UHRF2: variants seen among roughly 807,000 people sequenced by gnomAD.
The protein encoded by UHRF2 is E3 ubiquitin-protein ligase UHRF2.
In UHRF2, 23 loss-of-function variants were observed where a neutral mutation model predicts 96.8. The ratio of observed to expected loss-of-function variants is 0.24; its 90% CI spans 0.17 to 0.34. UHRF2 has a LOEUF of 0.34. Among genes scored for constraint, UHRF2 ranks in the 10% least tolerant of loss-of-function variants. The pLI, the probability that UHRF2 is intolerant of heterozygous loss-of-function variation, is 1.00. For missense variants in UHRF2, 685 were observed against 981.5 expected (o/e 0.70, Z 4.04); for synonymous variants, 385 against 332.6 (o/e 1.16, Z -1.72).
chr9:6,496,018 G>A (rs1333164711), intron 10 of UHRF2: 3 of 151,334 alleles, frequency 2.0e-5, no homozygotes, highest in Non-Finnish European at 4.4e-5. Flanking sequence ...AGGTAACTTG[G>A]GAAGCTTCAA....
chr9:6,503,580 G>A (rs1816419943), intron 14 of UHRF2, among the ~76,000 whole-genome samples: 2 of 151,904 alleles, frequency 1.3e-5, no homozygotes, highest in Admixed American at 1.3e-4. Context: ...GGTAAAATAT[G>A]ACAGAATAAT....
intron 2 of UHRF2, among the ~76,000 whole-genome samples, chr9:6,421,888 A>C (rs959428299): frequency 3.3e-5 from 5 of 151,948 alleles, no homozygotes; most frequent in Non-Finnish European, 7.4e-5. Context: ...TATATAATGG[A>C]ATTCTACTTT....
rs542274686 is a variant in UHRF2 at position 6,422,681 on chromosome 9, C to T, written c.384+1539C>T. 9 of 631,078 alleles carry T rather than the reference C, an allele frequency of 1.4e-5. No individual in the cohort carries two copies. In the South Asian group the frequency reaches 1.5e-4, roughly 10 times the overall value. 39.1% of individuals were successfully genotyped at this position (631,078 alleles called of 1,614,324 possible). A position where few individuals can be genotyped will look rare whatever the true frequency, so the allele number is the denominator to read the frequency against. ...CTGTAGTGCAGTGACGTGAACACGGCTCGCTGTAGCCTTGACCTGCTGGGG... is the reference window on the plus strand; with the variant it reads ...CTGTAGTGCAGTGACGTGAACACGGTTCGCTGTAGCCTTGACCTGCTGGGG... On this transcript the variant is annotated intron_variant, in intron 2 of 15. Coordinates refer to ENST00000276893, the MANE Select transcript of UHRF2 (RefSeq NM_152896.3).
chr9:6,418,648 G>A (rs1369376378), intron 1 of UHRF2, among the ~76,000 whole-genome samples: 1 of 152,154 alleles, frequency 6.6e-6, no homozygotes. Flanking sequence ...AGTAGAAAAT[G>A]AGCAATTTAA....
chr9:6,449,252 C>T (rs1388203634), intron 3 of UHRF2: 2 of 152,264 alleles, frequency 1.3e-5, no homozygotes, highest in Non-Finnish European at 2.9e-5. Flanking sequence ...TATGCTCTTT[C>T]TTGGCCTCCC....
intron 3 of UHRF2, among the ~76,000 whole-genome samples, chr9:6,438,656 C>G (rs1291286950): frequency 2.0e-5 from 3 of 152,142 alleles, no homozygotes; most frequent in Non-Finnish European, 4.4e-5. Context: ...TGAAAGAAAC[C>G]TGCCTCTGGA....
intron 3 of UHRF2, among the ~76,000 whole-genome samples, chr9:6,438,629 ATGTAT>A (rs1406362162): frequency 6.6e-6 from 1 of 152,182 alleles, no homozygotes; most frequent in African/African-American, 2.4e-5. Flanking sequence ...AAGCAGGGAG[ATGTAT>A]TGTACATGAG....
At chr9:6,455,347 T>A (rs1489330616) in intron 3 of UHRF2, among the ~76,000 whole-genome samples, 1 of 152,156 alleles carries the variant, frequency 6.6e-6, no homozygotes, top group African/African-American at 2.4e-5. Context: ...GTCCAAGTGT[T>A]GTCATTGTTC....
intron 3 of UHRF2, among the ~76,000 whole-genome samples, chr9:6,445,251 G>T (rs1196425356): frequency 6.7e-6 from 1 of 148,742 alleles, no homozygotes; most frequent in Non-Finnish European, 1.5e-5. Context: ...ATAACTATTT[G>T]ACCTGTGTTA....
At chr9:6,474,131 C>T (rs1041412254) in intron 4 of UHRF2, among the ~76,000 whole-genome samples, 3 of 152,134 alleles carry the variant, frequency 2.0e-5, no homozygotes, top group African/African-American at 4.8e-5. Flanking sequence ...GTGAGGGTTT[C>T]TGAGGTAGTT....
At chr9:6,416,393 T>G (rs1383913807) in intron 1 of UHRF2, among the ~76,000 whole-genome samples, 2 of 151,896 alleles carry the variant, frequency 1.3e-5, no homozygotes, top group Non-Finnish European at 2.9e-5. Context: ...AGGGTCAAAA[T>G]GGAGACCTGC....
intron 2 of UHRF2, among the ~76,000 whole-genome samples, chr9:6,431,186 A>T (rs561394435): frequency 1.3e-5 from 2 of 152,260 alleles, no homozygotes; most frequent in South Asian, 4.1e-4. Flanking sequence ...TTGACTTAGT[A>T]TGTCTATCCA....
intron 2 of UHRF2, among the ~76,000 whole-genome samples, chr9:6,432,903 C>T (rs547014558): frequency 5.1e-4 from 78 of 151,876 alleles, no homozygotes; most frequent in African/African-American, 1.7e-3. Context: ...TGCACTGGCA[C>T]GATCTCCGTT....
At chr9:6,485,892 A>G (rs933921457) in intron 8 of UHRF2, among the ~76,000 whole-genome samples, 11 of 151,878 alleles carry the variant, frequency 7.2e-5, no homozygotes, top group Admixed American at 5.9e-4. Flanking sequence ...GGGAGTTTGA[A>G]GTTCACAAAG....
intron 9 of UHRF2, among the ~76,000 whole-genome samples, chr9:6,487,490 C>T (rs1169350192): frequency 1.3e-5 from 2 of 152,190 alleles, no homozygotes; most frequent in Non-Finnish European, 2.9e-5. Context: ...CCTCCACCTC[C>T]TGAGTAGCTG....
chr9:6,488,251 TAAAAAAAAAAAAAAAAAAAAAAA>T (rs777979832), intron 9 of UHRF2, among the ~76,000 whole-genome samples: 16 of 52,570 alleles, frequency 3.0e-4, no homozygotes, highest in Admixed American at 1.0e-3. Context: ...CCTGTCTCCT[TAAAAAAAAAAAAAAAAAAAAAAA>T]AAAAAAAAAA....
chr9:6,442,667 G>C (rs1194944980), intron 3 of UHRF2, among the ~76,000 whole-genome samples: 1 of 144,966 alleles, frequency 6.9e-6, no homozygotes, highest in Non-Finnish European at 1.5e-5. Context: ...TTTTTTTTTT[G>C]GGGGGGTAGA....
rs376273391 is a variant in UHRF2, at chr9:6,493,782, T to A, written c.1498-44T>A. 2.5e-4 allele frequency: 369 copies of A among 1,497,244 alleles called. 1 individual carries two copies. The highest frequency in any genetic ancestry group is 3.0e-4 in the Non-Finnish European group (323 of 1,087,718). 92.7% of individuals were successfully genotyped at this position (1,497,244 alleles called of 1,614,324 possible). A position where few individuals can be genotyped will look rare whatever the true frequency, so the allele number is the denominator to read the frequency against. ...TCTGAAATAAGAATTGATGAAATTATACTTGGGTTTAGCTTTCTTAATAAA... is the reference window on the plus strand; with the variant it reads ...TCTGAAATAAGAATTGATGAAATTAAACTTGGGTTTAGCTTTCTTAATAAA... On this transcript the variant is annotated intron_variant, in intron 9 of 15. Transcript: ENST00000276893.
At chr9:6,458,439 G>A (rs1376828088) in intron 3 of UHRF2, among the ~76,000 whole-genome samples, 3 of 151,020 alleles carry the variant, frequency 2.0e-5, no homozygotes, top group African/African-American at 7.3e-5. Flanking sequence ...CAAAAAACCA[G>A]CTCCTGGATT....
Sources: gnomAD v4.1 joint callset for allele counts (sites outside exome capture counted in the v4.1 genomes callset) on GRCh38, gnomAD v4.1.1 for gene constraint, MANE v1.5 for transcripts, NCBI Gene and HGNC (gene_info 2026-07-23, HGNC 2026-07-21) for gene names.